The following VOPP1 variants were observed in gnomAD, a reference collection of about 807,000 sequenced individuals.
VOPP1 encodes VOPP1 WW domain binding protein.
VOPP1 carries 8 observed loss-of-function variants against 23.5 expected under a neutral mutation model. The ratio of observed to expected loss-of-function variants is 0.34; its 90% CI spans 0.20 to 0.61. The LOEUF is 0.61. Among genes scored for constraint, VOPP1 ranks in the 20% least tolerant of loss-of-function variants. The pLI, the probability that VOPP1 is intolerant of heterozygous loss-of-function variation, is 0.78. For missense variants in VOPP1, 174 were observed against 238.1 expected (o/e 0.73, Z 1.77); for synonymous variants, 83 against 97.3 (o/e 0.85, Z 0.86).
intron 1 of VOPP1, chr7:55,539,597 G>A (rs1178207158): frequency 6.6e-6 from 1 of 152,104 alleles, no homozygotes; most frequent in African/African-American, 2.4e-5. Flanking sequence ...CACATGTGAG[G>A]CTGAAAGGGA....
chr7:55,517,384 C>T (rs556566038), intron 2 of VOPP1, among the ~76,000 whole-genome samples: 26 of 152,242 alleles, frequency 1.7e-4, no homozygotes, highest in East Asian at 9.7e-4. Context: ...ACAACTGACA[C>T]GTCGTGGGCC....
At position 55,473,060 on chromosome 7, in the gene VOPP1, A is replaced by C. The variant is rs1415873311; in HGVS notation, c.329-15T>G. ...CTGCTGGGCTCCTGAAAGACAGACAAACATAGGTGAGCACAGAAGGGAAAG... is the reference window on the plus strand; with the variant it reads ...CTGCTGGGCTCCTGAAAGACAGACACACATAGGTGAGCACAGAAGGGAAAG... On this transcript the variant is annotated splice_polypyrimidine_tract_variant and intron_variant, in intron 4 of 4. Coordinates refer to ENST00000285279, the MANE Select transcript of VOPP1 (RefSeq NM_030796.5). The C allele has an allele frequency of 6.3e-7, 1 of 1,593,202 alleles. No individual in the cohort carries two copies. The highest frequency in any genetic ancestry group is 1.1e-5 in the South Asian group (1 of 87,680).
chr7:55,557,911 T>G (rs982174766), intron 1 of VOPP1, among the ~76,000 whole-genome samples: 3 of 152,202 alleles, frequency 2.0e-5, no homozygotes, highest in African/African-American at 7.2e-5. Flanking sequence ...CCTCCAAGTC[T>G]GCACTACTTG....
intron 2 of VOPP1, among the ~76,000 whole-genome samples, chr7:55,503,562 G>T (rs1370972610): frequency 6.6e-6 from 1 of 152,232 alleles, no homozygotes; most frequent in Non-Finnish European, 1.5e-5. Flanking sequence ...ATGTGTTGTT[G>T]CTATGGATGG....
downstream of VOPP1, among the ~76,000 whole-genome samples, chr7:55,435,603 C>G (rs1046195285): frequency 6.6e-6 from 1 of 152,224 alleles, no homozygotes; most frequent in African/African-American, 2.4e-5. Flanking sequence ...GGCCAGTGCG[C>G]TTCTGGAAGG....
At chr7:55,462,461 T>C (rs539725495) in intron 4 of VOPP1, among the ~76,000 whole-genome samples, 144 of 152,258 alleles carry the variant, frequency 9.5e-4, no homozygotes, top group African/African-American at 3.1e-3. Context: ...CCTTTGCCCA[T>C]CTCTTTTTCT....
chr7:55,542,044 G>A (rs554515959), intron 1 of VOPP1, among the ~76,000 whole-genome samples: 1 of 152,176 alleles, frequency 6.6e-6, no homozygotes, highest in Non-Finnish European at 1.5e-5. Flanking sequence ...AATATAGATG[G>A]GCGAGATGAT....
At chr7:55,561,867 G>T in intron 1 of VOPP1, 1 of 685,542 alleles carries the variant, frequency 1.5e-6, no homozygotes, top group Non-Finnish European at 2.7e-6. Flanking sequence ...AGTGGACAAT[G>T]AGAGTAGCCT....
chr7:55,506,038 A>ATCGAG (rs1260775831), intron 2 of VOPP1, among the ~76,000 whole-genome samples: 2 of 152,134 alleles, frequency 1.3e-5, no homozygotes, highest in Non-Finnish European at 2.9e-5. Context: ...CGAGCACAAA[A>ATCGAG]CACCCTTTTA....
At chr7:55,534,292 A>C (rs1025551214) in intron 1 of VOPP1, among the ~76,000 whole-genome samples, 6 of 152,096 alleles carry the variant, frequency 3.9e-5, no homozygotes, top group Admixed American at 2.0e-4. Flanking sequence ...GGCTGTCAAA[A>C]GATAATCATC....
chr7:55,541,209 T>G (rs1485309569), intron 1 of VOPP1, among the ~76,000 whole-genome samples: 2 of 152,230 alleles, frequency 1.3e-5, no homozygotes, highest in Non-Finnish European at 2.9e-5. Flanking sequence ...TGTGAATATA[T>G]GAAAAACTTC....
At chr7:55,563,192 ATT>A (rs1383099239) in intron 1 of VOPP1, among the ~76,000 whole-genome samples, 2 of 152,138 alleles carry the variant, frequency 1.3e-5, no homozygotes, top group South Asian at 2.1e-4. Flanking sequence ...TTCGATACAG[ATT>A]TTGTTACAAA....
At chr7:55,492,927 A>G (rs1253267495) in intron 3 of VOPP1, 1 of 152,450 alleles carries the variant, frequency 6.6e-6, no homozygotes, top group Non-Finnish European at 1.5e-5. Context: ...AACACCCACA[A>G]GGAAACAGAA....
intron 1 of VOPP1, among the ~76,000 whole-genome samples, chr7:55,556,708 T>C (rs2030734): frequency 0.62 from 94,174 of 151,290 alleles, 30,315 homozygotes; most frequent in Admixed American, 0.7. Flanking sequence ...TTACAATTTA[T>C]GTTTCTCAGA....
At chr7:55,526,455 C>T (rs896772976) in intron 1 of VOPP1, among the ~76,000 whole-genome samples, 6 of 152,154 alleles carry the variant, frequency 3.9e-5, no homozygotes, top group African/African-American at 4.8e-5. Flanking sequence ...TGAGGAAGGA[C>T]GCAGGACAAC....
chr7:55,482,560 C>A (rs1036935657), intron 4 of VOPP1, among the ~76,000 whole-genome samples: 7 of 149,550 alleles, frequency 4.7e-5, no homozygotes, highest in Non-Finnish European at 1.0e-4. Context: ...AGGGCGGTCT[C>A]GATCTCCTGA....
intron 2 of VOPP1, among the ~76,000 whole-genome samples, chr7:55,512,359 G>A (rs1309036534): frequency 6.6e-6 from 1 of 152,118 alleles, no homozygotes; most frequent in Non-Finnish European, 1.5e-5. Context: ...CTGGAAGGCG[G>A]AGGTTGCAGT....
intron 1 of VOPP1, among the ~76,000 whole-genome samples, chr7:55,529,357 T>C (rs1476726576): frequency 1.2e-5 from 1 of 86,602 alleles, no homozygotes; most frequent in Non-Finnish European, 2.2e-5. Context: ...AGAGCAAGAT[T>C]CCGTCTCAAA....
chr7:55,527,960 A>C (rs1014599825), intron 1 of VOPP1, among the ~76,000 whole-genome samples: 2 of 152,066 alleles, frequency 1.3e-5, no homozygotes, highest in Non-Finnish European at 2.9e-5. Flanking sequence ...AAAAAATCAC[A>C]TAATTGTTGG....
Sources: gnomAD v4.1 joint callset for allele counts (sites outside exome capture counted in the v4.1 genomes callset) on GRCh38, gnomAD v4.1.1 for gene constraint, MANE v1.5 for transcripts, NCBI Gene and HGNC (gene_info 2026-07-23, HGNC 2026-07-21) for gene names.